DBH: variants seen among roughly 807,000 people sequenced by gnomAD.
DBH encodes dopamine beta-hydroxylase.
DBH carries 49 observed loss-of-function variants against 64.0 expected under a neutral mutation model. That is an observed-to-expected ratio of 0.77 (90% CI 0.61 to 0.97). The LOEUF (loss-of-function observed/expected upper bound fraction) is 0.97, where lower values mean the gene tolerates loss of function less well. Among genes scored for constraint, DBH ranks in the 50% least tolerant of loss-of-function variants. The probability of loss-of-function intolerance (pLI) is 0.00; values close to 1 mark genes in which losing one functional copy is unlikely to be tolerated. For missense variants in DBH, 828 were observed against 826.6 expected (o/e 1.00, Z -0.02); for synonymous variants, 343 against 347.1 (o/e 0.99, Z 0.13).
At position 133,642,369 on chromosome 9, in the gene DBH, C is replaced by T; in HGVS notation, c.649C>T (p.Gln217Ter). The T allele has an allele frequency of 6.2e-7, 1 of 1,614,128 alleles. No homozygotes were observed. The highest frequency in any genetic ancestry group is 2.2e-5 in the East Asian group (1 of 44,870). Residue 217 changes from glutamine (Q) to a stop codon, truncating the protein, a stop_gained, in exon 3 of 12, where the codon CAA (glutamine) becomes TAA (stop). Transcript: ENST00000393056. LOFTEE classifies it high-confidence loss of function. The part of the protein sequence containing the change: ...LPSDACTMEV[Q>*]APNIQIPSQE... ...CTCAGACGCGTGCACCATGGAGGTC[C>T]AAGCTCCCAATATCCAGATCCCCAG...
chr9:133,652,400 C>T (rs1832262174), intron 8 of DBH, 116 bp downstream of exon 8: 1 of 1,290,368 alleles, frequency 7.7e-7, no homozygotes, highest in Non-Finnish European at 1.1e-6. Context: ...GAGGGAGAGC[C>T]ATCCAGGGCA....
intron 4 of DBH, 22 bp from the exon 5 acceptor site, chr9:133,644,193 CTGT>C: frequency 6.3e-7 from 1 of 1,580,348 alleles, no homozygotes; most frequent in Non-Finnish European, 8.7e-7. Flanking sequence ...ACACACCCGT[CTGT>C]CTGACACCTT....
At position 133,643,470 on chromosome 9, in the gene DBH, C is replaced by T. The variant is rs750343584; in HGVS notation, c.802C>T (p.Gln268Ter). 1 of 1,613,536 alleles carries T rather than the reference C, an allele frequency of 6.2e-7. No individual in the cohort carries two copies. Among genetic ancestry groups the T allele is most frequent in the South Asian group, 1.1e-5 (1 of 91,022 alleles). ...CCTTGTCCACCACATGGAAGTCTTC[C>T]AGTGCGCCCCCGAGATGGACAGCGT... The part of the protein sequence containing the change: ...EALVHHMEVF[Q>*]CAPEMDSVPH... Residue 268 changes from glutamine (Q) to a stop codon, truncating the protein, a stop_gained, in exon 4 of 12, where the codon CAG (glutamine) becomes TAG (stop). Coordinates refer to ENST00000393056, the MANE Select transcript of DBH (RefSeq NM_000787.4). LOFTEE classifies it high-confidence loss of function. The surrounding 1 kb of genome is among the most constrained non-coding windows in gnomAD (Gnocchi z 5.3).
At position 133,636,506 on chromosome 9, in the gene DBH, C is replaced by T. The variant is rs770943084; in HGVS notation, c.135C>T (p.Ser45=). The change falls in exon 1 of 12, where the codon AGC becomes AGT. Residue 45 remains serine (S), a synonymous_variant. Coordinates refer to ENST00000393056, the MANE Select transcript of DBH (RefSeq NM_000787.4). Reference sequence around the variant, plus strand: ...TGCAGGGCTCGGCTCCCCGTGAGAGCCCCCTCCCCTATCACATCCCCCTGG... The same window carrying T: ...TGCAGGGCTCGGCTCCCCGTGAGAGTCCCCTCCCCTATCACATCCCCCTGG... The part of the protein sequence containing the change: ...AALQGSAPRE[S]PLPYHIPLDP... 6.2e-7 allele frequency: 1 copy of T among 1,613,310 alleles called. No individual in the cohort carries two copies. The highest frequency in any genetic ancestry group is 8.5e-7 in the Non-Finnish European group (1 of 1,180,004).
intron 5 of DBH, among the ~76,000 whole-genome samples, chr9:133,646,745 A>G (rs1832186445): frequency 6.6e-6 from 1 of 151,890 alleles, no homozygotes; most frequent in Non-Finnish European, 1.5e-5. Context: ...GCTGGTCTCG[A>G]ACTCCCAACC....
rs1462229818 is a variant in DBH, at chr9:133,644,303, A to G, written c.1007A>G (p.Asn336Ser). The G allele has an allele frequency of 1.2e-6, 2 of 1,613,972 alleles. No homozygotes were observed. Among genetic ancestry groups the G allele is most frequent in the East Asian group, 2.2e-5 (1 of 44,884 alleles). Residue 336 changes from asparagine (N) to serine (S), a missense_variant, in exon 5 of 12, where the codon AAC becomes AGC. By Grantham distance (46) the Asn-to-Ser change is conservative. Coordinates refer to ENST00000393056, the MANE Select transcript of DBH (RefSeq NM_000787.4). ...RYLRLEVHYH[N>S]PLVIEGRNDS... ...CTCCGCCTGGAAGTTCACTACCACA[A>G]CCCACTGGTGATAGAAGGTAGGCGG...
Position 133,658,383 on chromosome 9 carries a change from C to T in DBH, c.1790C>T (p.Pro597Leu). ...CTGGAAGAGCCCACCCCACAGTGCCCCACCAGCCAGGGCCGAAGCCCTGCT... is the reference window on the plus strand; with the variant it reads ...CTGGAAGAGCCCACCCCACAGTGCCTCACCAGCCAGGGCCGAAGCCCTGCT... ...STLEEPTPQC[P>L]TSQGRSPAGP... is the part of the protein sequence containing the mutation. Residue 597 changes from proline (P) to leucine (L), a missense_variant, in exon 12 of 12, where the codon CCC becomes CTC. Coordinates refer to ENST00000393056, the MANE Select transcript of DBH (RefSeq NM_000787.4). The T allele has an allele frequency of 2.5e-6, 4 of 1,613,928 alleles. No individual in the cohort carries two copies. The highest frequency in any genetic ancestry group is 2.5e-6 in the Non-Finnish European group (3 of 1,179,904).
chr9:133,649,875 C>T (rs547775351), intron 6 of DBH, among the ~76,000 whole-genome samples: 2 of 152,370 alleles, frequency 1.3e-5, no homozygotes, highest in South Asian at 2.1e-4. Context: ...ACAGACCCGC[C>T]TCCCCTTGCC....
chr9:133,654,817 CTG>C (rs1449820128), intron 9 of DBH: 1 of 152,348 alleles, frequency 6.6e-6, no homozygotes, highest in Admixed American at 6.5e-5. Flanking sequence ...CCAACCCCGA[CTG>C]TGCCGCCTCT....
rs142572061 is a variant in DBH, at chr9:133,657,931, T to C, written c.1723-385T>C. 5.2e-3 allele frequency among the ~76,000 whole-genome samples: 794 copies of C among 152,272 alleles called. 8 individuals carry two copies. Among genetic ancestry groups the C allele is most frequent in the African/African-American group, 0.018 (759 of 41,542 alleles). ...AGGGCTAATACTGGCTTGCTGAGAA[T>C]AGTGTGGGGTGGACGTCTGATGGGG... On this transcript the variant is annotated intron_variant, in intron 11 of 11. Transcript: ENST00000393056.
intron 9 of DBH, chr9:133,655,306 C>T (rs1474201263): frequency 6.6e-6 from 1 of 152,198 alleles, no homozygotes; most frequent in Non-Finnish European, 1.5e-5. Context: ...TTTCCTTCCC[C>T]AGGTGAAAGA....
intron 1 of DBH, 84 bp from the exon 2 acceptor site, chr9:133,639,762 G>A (rs1183981653): frequency 2.8e-6 from 4 of 1,450,390 alleles, no homozygotes; most frequent in Non-Finnish European, 3.8e-6. Flanking sequence ...TGAATGCGGA[G>A]CTCTGCCGGG....
chr9:133,646,530 G>GT (rs553615034), intron 5 of DBH, among the ~76,000 whole-genome samples: 4 of 152,052 alleles, frequency 2.6e-5, no homozygotes, highest in African/African-American at 4.8e-5. Context: ...CTGAACCTCT[G>GT]TTTTTTTGTT....
rs560827099 is a variant in DBH, at chr9:133,656,716, G to T, written c.1562+66G>T. 2.9e-5 allele frequency: 46 copies of T among 1,593,344 alleles called. No homozygotes were observed. In the South Asian group the frequency reaches 5.0e-4, roughly 17 times the overall value. ...CCGACACAGAACCTCGGGCCTGTTA[G>T]GCGGCTGGGCAGATTGGAGGAGTCC... On this transcript the variant is annotated intron_variant, in intron 10 of 11. Coordinates refer to ENST00000393056, the MANE Select transcript of DBH (RefSeq NM_000787.4).
At chr9:133,638,517 T>C (rs756283443) in intron 1 of DBH, among the ~76,000 whole-genome samples, 5 of 152,096 alleles carry the variant, frequency 3.3e-5, no homozygotes, top group Non-Finnish European at 7.4e-5. Context: ...GCAGCTTCGT[T>C]TGGACAATTC....
Position 133,647,914 on chromosome 9 carries a change from A to G in DBH, c.1093A>G (p.Met365Val). The G allele has an allele frequency of 6.2e-7, 1 of 1,614,222 alleles. No homozygotes were observed. Among genetic ancestry groups the G allele is most frequent in the Non-Finnish European group, 8.5e-7 (1 of 1,180,046 alleles). Residue 365 changes from methionine to valine, a missense_variant, in exon 6 of 12, where the codon ATG becomes GTG. Physicochemically the swap from Met to Val is conservative, Grantham distance 21. Coordinates refer to ENST00000393056, the MANE Select transcript of DBH (RefSeq NM_000787.4). ...GCTGCGGCGCTTCAACGCGGGGATCATGGAGCTGGGACTGGTGTACACGCC... is the reference window on the plus strand; with the variant it reads ...GCTGCGGCGCTTCAACGCGGGGATCGTGGAGCTGGGACTGGTGTACACGCC... ...AKLRRFNAGIMELGLVYTPVM... is the reference protein window; with the variant it reads ...AKLRRFNAGIVELGLVYTPVM...
chr9:133,643,268 C>A lies in DBH; in HGVS notation c.745-145C>A. 1 of 829,270 alleles carries A rather than the reference C, an allele frequency of 1.2e-6. No homozygotes were observed. Among genetic ancestry groups the A allele is most frequent in the Non-Finnish European group, 2.0e-6 (1 of 505,496 alleles). 51.4% of individuals were successfully genotyped at this position (829,270 alleles called of 1,614,324 possible). ...TGGGCTGATGGCTCCACCCTCAAGG[C>A]TGTGAACCCCAGAAGTGCCCCTGAA... On this transcript the variant is annotated intron_variant, in intron 3 of 11. Transcript: ENST00000393056. This position sits in a 1 kb window ranked among gnomAD's most constrained non-coding sequence, Gnocchi z 5.3.
intron 5 of DBH, among the ~76,000 whole-genome samples, chr9:133,646,757 C>T (rs180964988): frequency 6.6e-6 from 1 of 152,258 alleles, no homozygotes; most frequent in East Asian, 1.9e-4. Flanking sequence ...CTCCCAACCT[C>T]AGGTGATCCA....
At chr9:133,654,672 C>T (rs989603273) in intron 9 of DBH, 2 of 152,308 alleles carry the variant, frequency 1.3e-5, no homozygotes, top group Non-Finnish European at 2.9e-5. Context: ...CACAGCTCAG[C>T]ACTGCTCTAA....
Sources: gnomAD v4.1 joint callset for allele counts (sites outside exome capture counted in the v4.1 genomes callset) on GRCh38, gnomAD v4.1.1 for gene constraint, Gnocchi (gnomAD v3.1) non-coding constraint, MANE v1.5 for transcripts, NCBI Gene and HGNC (gene_info 2026-07-23, HGNC 2026-07-21) for gene names.